BOC: variants seen among roughly 807,000 people sequenced by gnomAD.
BOC encodes the protein BOC cell adhesion associated, oncogene regulated, also known as brother of CDO.
Under a neutral mutation model 112.0 loss-of-function variants are expected in BOC, and 76 were observed. The ratio of observed to expected loss-of-function variants is 0.68; its 90% CI spans 0.56 to 0.82. The LOEUF is 0.82. Ranked by LOEUF, BOC falls within the 40% of genes least tolerant of loss-of-function variation. BOC has a pLI of 0.00. For synonymous variants in BOC, 580 were observed against 599.8 expected, an observed-to-expected ratio of 0.97 and a Z score of 0.48; for missense variants, 1,309 against 1,511.7, an observed-to-expected ratio of 0.87 and a Z score of 2.22.
At chr3:113,284,125 C>G (rs1377782904) in intron 16 of BOC, among the ~76,000 whole-genome samples, 1 of 152,098 alleles carries the variant, frequency 6.6e-6, no homozygotes, top group African/African-American at 2.4e-5. Flanking sequence ...CACCCTTCTC[C>G]CTGCAGAAGA....
rs74771927 is a variant in BOC, at chr3:113,269,212, C to G, written c.523+767C>G. ...AGTGGACTTCATTTTTCCCTCTCCC[C>G]GTTTGCATAGTAAATGCAGTTATCT... is the stretch of plus-strand genomic sequence containing the variant. On this transcript the variant is annotated intron_variant, in intron 5 of 19. Coordinates refer to ENST00000682979, the MANE Select transcript of BOC (RefSeq NM_001378074.1). Among the ~76,000 whole-genome samples the G allele has an allele frequency of 2.5e-3, 383 of 152,316 alleles. 15 individuals carry two copies. In the East Asian group the frequency reaches 0.065, roughly 26 times the overall value.
At chr3:113,266,368 A>G (rs1947481917) in intron 4 of BOC, among the ~76,000 whole-genome samples, 1 of 152,200 alleles carries the variant, frequency 6.6e-6, no homozygotes, top group South Asian at 2.1e-4. Context: ...AATAGCATGT[A>G]TTTCTTACAG....
At chr3:113,232,439 A>T (rs780747017) in intron 2 of BOC, among the ~76,000 whole-genome samples, 1 of 152,198 alleles carries the variant, frequency 6.6e-6, no homozygotes, top group Non-Finnish European at 1.5e-5. Flanking sequence ...CTGAATGTGT[A>T]TATTTGGGGG....
Position 113,283,510 on chromosome 3 carries a change from G to A in BOC, c.2534G>A (p.Gly845Glu). Residue 845 changes from glycine to glutamate, a missense_variant, in exon 16 of 20, where the codon GGG (glycine) becomes GAG (glutamate). Transcript: ENST00000682979. Reference sequence around the variant, plus strand: ...ACCATAGAGCGGCCGGTGGGCACTGGGGCCATGGTGGCTCGCTCCAGCGAC... The same window carrying A: ...ACCATAGAGCGGCCGGTGGGCACTGAGGCCATGGTGGCTCGCTCCAGCGAC... Reference protein sequence around the residue: ...PETIERPVGTGAMVARSSDLP... With the variant: ...PETIERPVGTEAMVARSSDLP... 1 of 1,613,906 alleles carries A rather than the reference G, an allele frequency of 6.2e-7. No individual in the cohort carries two copies. The highest frequency in any genetic ancestry group is 8.5e-7 in the Non-Finnish European group (1 of 1,180,002).
Position 113,279,509 on chromosome 3 carries a change from C to T in BOC, c.2023+54C>T, listed in dbSNP as rs933109165. ...GCCTGATCCCCCAGCTGCCCCTTTC[C>T]GCCTGGAGGAGGATGACGAGCCTGG... On this transcript the variant is annotated intron_variant, in intron 12 of 19. Coordinates refer to ENST00000682979, the MANE Select transcript of BOC (RefSeq NM_001378074.1). The T allele has an allele frequency of 1.9e-5, 30 of 1,546,130 alleles. No individual in the cohort carries two copies. The South Asian group carries it at 2.1e-4, about 11-fold the overall frequency.
chr3:113,218,716 T>C (rs896567198), intron 2 of BOC, among the ~76,000 whole-genome samples: 3 of 152,270 alleles, frequency 2.0e-5, no homozygotes, highest in Non-Finnish European at 4.4e-5. Context: ...CCTGCAACCC[T>C]GCCTTCAGAG....
chr3:113,214,255 C>T (rs1020761570), intron 1 of BOC, among the ~76,000 whole-genome samples: 1 of 152,192 alleles, frequency 6.6e-6, no homozygotes, highest in Non-Finnish European at 1.5e-5. Flanking sequence ...CAGAGATTTT[C>T]CCTTTTTTTG....
chr3:113,235,724 A>C (rs1435110685), intron 2 of BOC, among the ~76,000 whole-genome samples: 1 of 152,178 alleles, frequency 6.6e-6, no homozygotes, highest in East Asian at 1.9e-4. Flanking sequence ...TTCTCCATGG[A>C]TCCCTATTCC....
In BOC at chr3:113,286,765, A is replaced by T. The variant is rs1949738018; in HGVS notation, c.3251A>T (p.His1084Leu). Residue 1084 changes from histidine to leucine, a missense_variant, in exon 20 of 20, where the codon CAC becomes CTC. His to Leu is a moderately conservative substitution (Grantham distance 99). Transcript: ENST00000682979. Reference protein sequence around the residue: ...QVSGGDWCPQHPVGAYVGQEP... With the variant: ...QVSGGDWCPQLPVGAYVGQEP... ...AGTGGAGGAGACTGGTGTCCCCAGC[A>T]CCCCGTAGGGGCCTACGTAGGACAG... 2 of 1,613,344 alleles carry T rather than the reference A, an allele frequency of 1.2e-6. No individual in the cohort carries two copies. The highest frequency in any genetic ancestry group is 1.7e-6 in the Non-Finnish European group (2 of 1,179,770).
rs374680024 is a variant in BOC, at chr3:113,271,607, G to A, written c.667+663G>A. The A allele has an allele frequency of 3.1e-4, 58 of 187,676 alleles. No individual in the cohort carries two copies. In the South Asian group the frequency reaches 5.1e-3, roughly 17 times the overall value. 11.6% of individuals were successfully genotyped at this position (187,676 alleles called of 1,614,324 possible). On this transcript the variant is annotated intron_variant, in intron 6 of 19. Transcript: ENST00000682979. Reference sequence around the variant, plus strand: ...TCACTCACTGACAGAAGCCTCACAAGGCCCTAACTTTGTATGTATCATTTT... The same window carrying A: ...TCACTCACTGACAGAAGCCTCACAAAGCCCTAACTTTGTATGTATCATTTT...
At chr3:113,243,764 A>T (rs1559831259) in intron 2 of BOC, among the ~76,000 whole-genome samples, 1 of 152,190 alleles carries the variant, frequency 6.6e-6, no homozygotes, top group Non-Finnish European at 1.5e-5. Context: ...CCCAGTTTCA[A>T]ATCCCATTTC....
At chr3:113,255,433 C>T (rs1427651538) in intron 4 of BOC, among the ~76,000 whole-genome samples, 1 of 152,210 alleles carries the variant, frequency 6.6e-6, no homozygotes, top group East Asian at 1.9e-4. Flanking sequence ...TTCTCAATCC[C>T]TTACCTCTAA....
At chr3:113,234,603 T>A (rs1464139639) in intron 2 of BOC, among the ~76,000 whole-genome samples, 1 of 152,206 alleles carries the variant, frequency 6.6e-6, no homozygotes, top group East Asian at 1.9e-4. Context: ...GGCTGTGCCT[T>A]GTTTTCCTCT....
intron 15 of BOC, 70 bp downstream of exon 15, chr3:113,281,223 G>A: frequency 6.4e-7 from 1 of 1,574,064 alleles, no homozygotes; most frequent in Non-Finnish European, 8.7e-7. Context: ...ACCATTCCCT[G>A]TGCCTGTGCG....
At chr3:113,271,495 A>C (rs1211300989) in intron 6 of BOC, 3 of 302,770 alleles carry the variant, frequency 9.9e-6, no homozygotes, top group Non-Finnish European at 1.3e-5. Context: ...AATTCAAAGG[A>C]GTGACATCTT....
intron 2 of BOC, among the ~76,000 whole-genome samples, chr3:113,232,562 A>AGT (rs10696107): frequency 0.11 from 16,990 of 149,340 alleles, 994 homozygotes; most frequent in Non-Finnish European, 0.15. Flanking sequence ...TTGCTGTGCG[A>AGT]GTGTGTGTGT....
chr3:113,273,185 G>T lies in BOC; in HGVS notation c.1078G>T (p.Ala360Ser). The part of the protein sequence containing the change: ...PPPSVLWLRN[A>S]VPLISSQRLR... ...GCCCTCCGTGCTGTGGCTGAGGAATGCTGTGCCCCTCATCTCCAGCCAGCG... is the reference window on the plus strand; with the variant it reads ...GCCCTCCGTGCTGTGGCTGAGGAATTCTGTGCCCCTCATCTCCAGCCAGCG... The change falls in exon 8 of 20, where the codon GCT becomes TCT. Residue 360 changes from alanine (A) to serine (S), a missense_variant. By Grantham distance (99) the Ala-to-Ser change is moderately conservative. Transcript: ENST00000682979. The T allele has an allele frequency of 6.2e-7, 1 of 1,614,054 alleles. No homozygotes were observed. The highest frequency in any genetic ancestry group is 1.1e-5 in the South Asian group (1 of 91,086).
At chr3:113,249,628 G>A (rs1945359860) in intron 2 of BOC, 94 bp from the exon 3 acceptor site, 1 of 532,092 alleles carries the variant, frequency 1.9e-6, no homozygotes, top group South Asian at 2.8e-5. Context: ...TTGCCAACAG[G>A]GAACAAGGGA....
chr3:113,237,445 G>A (rs1475867695), intron 2 of BOC, among the ~76,000 whole-genome samples: 1 of 152,156 alleles, frequency 6.6e-6, no homozygotes, highest in African/African-American at 2.4e-5. Flanking sequence ...TCAGGGCCAT[G>A]GTGATGGTGG....
Sources: gnomAD v4.1 joint callset for allele counts (sites outside exome capture counted in the v4.1 genomes callset) on GRCh38, gnomAD v4.1.1 for gene constraint, MANE v1.5 for transcripts, NCBI Gene and HGNC (gene_info 2026-07-23, HGNC 2026-07-21) for gene names.